ZNF704: variants seen among roughly 807,000 people sequenced by gnomAD.
The protein encoded by ZNF704 is zinc finger protein 704, also known as glucocorticoid induced gene 1.
ZNF704 carries 10 observed loss-of-function variants against 44.7 expected under a neutral mutation model. The observed-to-expected ratio is 0.22, with a 90% confidence interval of 0.14 to 0.38. ZNF704 has a LOEUF of 0.38. Among genes scored for constraint, ZNF704 ranks in the 10% least tolerant of loss-of-function variants. ZNF704 has a pLI of 1.00. For missense variants in ZNF704, 390 were observed against 545.5 expected (o/e 0.71, Z 2.84); for synonymous variants, 211 against 207.6 (o/e 1.02, Z -0.14).
chr8:80,671,826 C>T (rs182115934), intron 4 of ZNF704, among the ~76,000 whole-genome samples: 100 of 152,226 alleles, frequency 6.6e-4, no homozygotes, highest in African/African-American at 2.2e-3. Flanking sequence ...TAAGCCTTGC[C>T]CCTCAACTAC....
At chr8:80,788,436 G>C (rs1198415309) in intron 2 of ZNF704, among the ~76,000 whole-genome samples, 2 of 152,178 alleles carry the variant, frequency 1.3e-5, no homozygotes, top group African/African-American at 4.8e-5. Context: ...AATAGTTGCA[G>C]CTAAAAAATT....
chr8:80,789,791 A>G (rs756434961), intron 2 of ZNF704, among the ~76,000 whole-genome samples: 1 of 152,102 alleles, frequency 6.6e-6, no homozygotes, highest in African/African-American at 2.4e-5. Flanking sequence ...ACATGATTCA[A>G]CTTCAACAAT....
At chr8:80,668,895 A>C (rs1161210617) in intron 5 of ZNF704, among the ~76,000 whole-genome samples, 1 of 152,182 alleles carries the variant, frequency 6.6e-6, no homozygotes, top group Non-Finnish European at 1.5e-5. Context: ...CCCGGGCTTC[A>C]TAAGCATAGA....
At chr8:80,756,956 C>T (rs530448036) in intron 2 of ZNF704, among the ~76,000 whole-genome samples, 26 of 152,222 alleles carry the variant, frequency 1.7e-4, no homozygotes, top group Non-Finnish European at 3.4e-4. Flanking sequence ...CAAGGAGACA[C>T]ATGAGTGGCC....
intron 2 of ZNF704, among the ~76,000 whole-genome samples, chr8:80,809,359 T>C (rs1808046153): frequency 6.6e-6 from 1 of 152,130 alleles, no homozygotes; most frequent in South Asian, 2.1e-4. Context: ...AAAAAATATG[T>C]GATAGCAAAT....
At chr8:80,670,297 G>A (rs1304601210) in intron 5 of ZNF704, among the ~76,000 whole-genome samples, 1 of 152,190 alleles carries the variant, frequency 6.6e-6, no homozygotes, top group Non-Finnish European at 1.5e-5. Context: ...GAACTAATGA[G>A]GCTCTAGGAT....
At chr8:80,724,215 T>G (rs1486625227) in intron 2 of ZNF704, among the ~76,000 whole-genome samples, 1 of 152,202 alleles carries the variant, frequency 6.6e-6, no homozygotes, top group African/African-American at 2.4e-5. Context: ...CAAATTCTGA[T>G]GAAATATGTA....
chr8:80,685,179 G>C (rs533899092), intron 4 of ZNF704, among the ~76,000 whole-genome samples: 1 of 151,748 alleles, frequency 6.6e-6, no homozygotes, highest in East Asian at 1.9e-4. Context: ...TGTAAAAAAG[G>C]AAGCTTTTTT....
At chr8:80,671,206 C>A (rs147358292) in intron 4 of ZNF704, among the ~76,000 whole-genome samples, 1 of 152,180 alleles carries the variant, frequency 6.6e-6, no homozygotes, top group African/African-American at 2.4e-5. Flanking sequence ...TGGATCACTG[C>A]AGCCTCCGCC....
At chr8:80,835,396 A>C (rs1808542116) in intron 1 of ZNF704, among the ~76,000 whole-genome samples, 1 of 152,190 alleles carries the variant, frequency 6.6e-6, no homozygotes, top group Non-Finnish European at 1.5e-5. Flanking sequence ...ACACCACAGG[A>C]ACAGTCTGTG....
At chr8:80,868,971 C>T (rs933854182) in intron 1 of ZNF704, among the ~76,000 whole-genome samples, 5 of 152,202 alleles carry the variant, frequency 3.3e-5, no homozygotes, top group Admixed American at 6.5e-5. Flanking sequence ...CAAGAGGCAA[C>T]GTAGTGTAAT....
intron 1 of ZNF704, among the ~76,000 whole-genome samples, chr8:80,824,382 G>A (rs1181732425): frequency 2.6e-5 from 4 of 152,154 alleles, no homozygotes. Flanking sequence ...AGAGAAAAAA[G>A]AGTAAAAAGA....
chr8:80,852,923 T>A (rs1254506972), intron 1 of ZNF704, among the ~76,000 whole-genome samples: 1 of 152,212 alleles, frequency 6.6e-6, no homozygotes. Context: ...ATTAAGCAAG[T>A]ATATGAGCTG....
chr8:80,847,222 TA>T (rs1309639874), intron 1 of ZNF704, among the ~76,000 whole-genome samples: 1 of 152,010 alleles, frequency 6.6e-6, no homozygotes, highest in African/African-American at 2.4e-5. Context: ...TAGTACCACT[TA>T]CAGTCACCCC....
At chr8:80,820,297 T>C (rs558040536) in intron 2 of ZNF704, among the ~76,000 whole-genome samples, 17 of 152,324 alleles carry the variant, frequency 1.1e-4, no homozygotes, top group South Asian at 4.1e-4. Context: ...AGGTCTAATA[T>C]GTATGTGCCA....
rs554785127 is a variant in ZNF704 at position 80,793,766 on chromosome 8, C to T, written c.221+27608G>A. The stretch of plus-strand genomic sequence containing the variant: ...AAATCACCAATAATATTGAATGCTA[C>T]AATAAATTAAGGAGGTTTCATTAAT... On this transcript the variant is annotated intron_variant, in intron 2 of 8. Transcript: ENST00000327835. Among the ~76,000 whole-genome samples, 18 of 152,122 alleles carry T rather than the reference C, an allele frequency of 1.2e-4. No homozygotes were observed. In the South Asian group the frequency reaches 3.7e-3, roughly 32 times the overall value.
intron 2 of ZNF704, among the ~76,000 whole-genome samples, chr8:80,722,318 G>A (rs758658146): frequency 4.6e-5 from 7 of 152,086 alleles, no homozygotes; most frequent in East Asian, 1.9e-4. Context: ...TATTAGCTAC[G>A]TAATCTCAGG....
intron 2 of ZNF704, among the ~76,000 whole-genome samples, chr8:80,710,793 T>C (rs1818973816): frequency 6.6e-6 from 1 of 152,232 alleles, no homozygotes; most frequent in South Asian, 2.1e-4. Context: ...ATGTTGTTTA[T>C]GCCACAAGTC....
intron 2 of ZNF704, among the ~76,000 whole-genome samples, chr8:80,742,971 C>T (rs1296619021): frequency 6.6e-6 from 1 of 152,010 alleles, no homozygotes; most frequent in African/African-American, 2.4e-5. Flanking sequence ...TTAGCTCACA[C>T]CCAACCAATC....
Sources: allele counts gnomAD v4.1 joint callset (sites outside exome capture counted in the v4.1 genomes callset), GRCh38; gene constraint gnomAD v4.1.1; transcripts MANE v1.5; gene names NCBI Gene and HGNC (gene_info 2026-07-23, HGNC 2026-07-21).